PTK2: variants seen among roughly 807,000 people sequenced by gnomAD.
The protein encoded by PTK2 is protein tyrosine kinase 2, also known as focal adhesion kinase 1.
PTK2 carries 45 observed loss-of-function variants against 150.1 expected under a neutral mutation model. The observed-to-expected ratio is 0.30, with a 90% CI of 0.24 to 0.38. The LOEUF is 0.38. PTK2 is among the 10% of genes least tolerant of loss of function. PTK2 has a pLI of 1.00. For synonymous variants in PTK2, 432 were observed against 449.2 expected (o/e 0.96, Z 0.48); for missense variants, 919 against 1,307.3 (o/e 0.70, Z 4.58).
In PTK2 at chr8:140,970,169, G is replaced by C. The variant is rs2100186739; in HGVS notation, c.-122+30956C>G. On this transcript the variant is annotated intron_variant, in intron 1 of 31. Coordinates refer to ENST00000522684, the Ensembl canonical transcript of PTK2. ...CTGCCCATCTCAGATGAGCTCCTGG[G>C]AAGTACACACTGTGAACAGCTGCTT... 2.0e-5 allele frequency among the ~76,000 whole-genome samples: 3 copies of C among 152,234 alleles called. No homozygotes were observed. The South Asian group carries it at 6.2e-4, about 31-fold the overall frequency.
chr8:140,828,149 G>A (rs1473283853), intron 8 of PTK2, among the ~76,000 whole-genome samples: 1 of 149,328 alleles, frequency 6.7e-6, no homozygotes, highest in Non-Finnish European at 1.5e-5. Context: ...ATGGGCGATG[G>A]AGCAAGACTC....
intron 22 of PTK2, chr8:140,732,703 G>A: frequency 2.5e-6 from 1 of 404,602 alleles, no homozygotes. Context: ...CTCAGCTACT[G>A]TAGGTGCTCA....
intron 10 of PTK2, among the ~76,000 whole-genome samples, chr8:140,805,982 G>A (rs1188308996): frequency 1.3e-5 from 2 of 152,162 alleles, no homozygotes; most frequent in Admixed American, 1.3e-4. Context: ...ATCTTGTCTT[G>A]ATGATATGTG....
At chr8:140,665,344 C>A (rs1476967473) in intron 30 of PTK2, among the ~76,000 whole-genome samples, 4 of 152,142 alleles carry the variant, frequency 2.6e-5, no homozygotes, top group Non-Finnish European at 5.9e-5. Context: ...CCAACCCTGC[C>A]AACACAGGTT....
intron 22 of PTK2, among the ~76,000 whole-genome samples, chr8:140,719,033 C>T (rs1415487694): frequency 6.6e-5 from 10 of 151,954 alleles, no homozygotes; most frequent in Admixed American, 2.0e-4. Flanking sequence ...AAAATTAGCC[C>T]GGTGTGGTGG....
chr8:140,983,762 G>C (rs1486993265), intron 1 of PTK2: 1 of 152,156 alleles, frequency 6.6e-6, no homozygotes, highest in Non-Finnish European at 1.5e-5. Flanking sequence ...TTTACAAACT[G>C]AGCAAAGATG....
chr8:140,676,872 C>T (rs974137974), intron 27 of PTK2, among the ~76,000 whole-genome samples: 5 of 134,476 alleles, frequency 3.7e-5, no homozygotes, highest in Admixed American at 8.6e-5. Context: ...CTGGTGGGGG[C>T]GGAAATTGCA....
At chr8:140,979,432 G>C (rs2100190563) in intron 1 of PTK2, among the ~76,000 whole-genome samples, 1 of 147,760 alleles carries the variant, frequency 6.8e-6, no homozygotes, top group African/African-American at 2.5e-5. Flanking sequence ...AAACTTAATA[G>C]GTCCTTCACA....
At chr8:140,824,075 A>G (rs958551707) in intron 8 of PTK2, among the ~76,000 whole-genome samples, 5 of 152,206 alleles carry the variant, frequency 3.3e-5, no homozygotes, top group African/African-American at 1.2e-4. Flanking sequence ...CCTTTGCTAA[A>G]TAAAGTGAGT....
At chr8:140,698,266 AC>A (rs1217149053) in intron 26 of PTK2, among the ~76,000 whole-genome samples, 22 of 152,212 alleles carry the variant, frequency 1.4e-4, no homozygotes, top group Non-Finnish European at 2.8e-4. Flanking sequence ...GGACTGAAAT[AC>A]AAGAACTCTA....
chr8:140,684,988 A>T (rs571131942), intron 27 of PTK2, among the ~76,000 whole-genome samples: 12 of 152,368 alleles, frequency 7.9e-5, no homozygotes, highest in Admixed American at 7.2e-4. Flanking sequence ...ACATGACTTC[A>T]AACTATACTA....
intron 13 of PTK2, among the ~76,000 whole-genome samples, chr8:140,789,900 T>C (rs1460001382): frequency 1.3e-5 from 2 of 152,176 alleles, no homozygotes; most frequent in Admixed American, 1.3e-4. Flanking sequence ...TGGAAGTGGA[T>C]TTTGCTCTCT....
chr8:140,923,550 A>G (rs942092709), intron 2 of PTK2, among the ~76,000 whole-genome samples: 1 of 152,248 alleles, frequency 6.6e-6, no homozygotes, highest in African/African-American at 2.4e-5. Flanking sequence ...AAGACAAACT[A>G]TGCTTTTAAA....
intron 14 of PTK2, among the ~76,000 whole-genome samples, chr8:140,768,741 GATT>G (rs1399241874): frequency 6.6e-6 from 1 of 152,186 alleles, no homozygotes; most frequent in African/African-American, 2.4e-5. Flanking sequence ...GCTGCTAATT[GATT>G]ATTATCACAG....
chr8:140,874,935 CA>C (rs2100144671), intron 4 of PTK2, among the ~76,000 whole-genome samples: 1 of 152,126 alleles, frequency 6.6e-6, no homozygotes, highest in Non-Finnish European at 1.5e-5. Flanking sequence ...GTATACCAGG[CA>C]TGACTAGAAC....
At chr8:140,858,252 A>C (rs1033861247) in intron 5 of PTK2, among the ~76,000 whole-genome samples, 8 of 152,182 alleles carry the variant, frequency 5.3e-5, no homozygotes, top group Admixed American at 2.6e-4. Flanking sequence ...GCTAACACAT[A>C]TGGAGAGACT....
intron 14 of PTK2, among the ~76,000 whole-genome samples, chr8:140,772,810 C>T (rs1216080925): frequency 6.6e-6 from 1 of 152,186 alleles, no homozygotes; most frequent in African/African-American, 2.4e-5. Flanking sequence ...CATCACGTTA[C>T]TATTCTTACA....
At chr8:140,682,468 C>A (rs947644844) in intron 27 of PTK2, among the ~76,000 whole-genome samples, 4 of 151,996 alleles carry the variant, frequency 2.6e-5, no homozygotes, top group Non-Finnish European at 4.4e-5. Flanking sequence ...TTGATCTTAG[C>A]CAAAAGGCTG....
chr8:140,814,196 T>G (rs930927084), intron 10 of PTK2, among the ~76,000 whole-genome samples: 2 of 152,162 alleles, frequency 1.3e-5, no homozygotes, highest in Non-Finnish European at 2.9e-5. Context: ...CAGCACCACA[T>G]GGATTCACAG....
Sources: gnomAD v4.1 joint callset for allele counts (sites outside exome capture counted in the v4.1 genomes callset) on GRCh38, gnomAD v4.1.1 for gene constraint, MANE v1.5 for transcripts, NCBI Gene and HGNC (gene_info 2026-07-23, HGNC 2026-07-21) for gene names.